The following EIPR1 variants were observed in gnomAD, a reference collection of about 807,000 sequenced individuals.
EIPR1 encodes the protein EARP complex and GARP complex interacting protein 1.
In EIPR1, 25 loss-of-function variants were observed where a neutral mutation model predicts 48.1. The ratio of observed to expected loss-of-function variants is 0.52; its 90% CI spans 0.38 to 0.73. The LOEUF is 0.73. EIPR1 is among the 30% of genes least tolerant of loss of function. The pLI, the probability that EIPR1 is intolerant of heterozygous loss-of-function variation, is 0.00. For missense variants in EIPR1, 415 were observed against 506.2 expected, an observed-to-expected ratio of 0.82 and a Z score of 1.73; for synonymous variants, 204 against 201.9, an observed-to-expected ratio of 1.01 and a Z score of -0.09.
At chr2:3,249,041 G>T (rs930227613) in intron 4 of EIPR1, among the ~76,000 whole-genome samples, 2 of 152,170 alleles carry the variant, frequency 1.3e-5, no homozygotes, top group Admixed American at 6.5e-5. Flanking sequence ...CATTAAATAG[G>T]TACTGAGGAG....
chr2:3,309,864 G>A (rs1669068230), intron 3 of EIPR1, among the ~76,000 whole-genome samples: 2 of 152,186 alleles, frequency 1.3e-5, no homozygotes, highest in African/African-American at 4.8e-5. Context: ...CAGCAGAGCT[G>A]GGGGTTAGGA....
intron 4 of EIPR1, among the ~76,000 whole-genome samples, chr2:3,216,313 C>T (rs769249251): frequency 8.5e-5 from 13 of 152,262 alleles, no homozygotes; most frequent in Admixed American, 6.5e-4. Flanking sequence ...TTATAACTCA[C>T]GTGTGCTTCC....
intron 4 of EIPR1, among the ~76,000 whole-genome samples, 200 bp downstream of exon 4, chr2:3,257,099 G>A (rs535880733): frequency 3.9e-5 from 6 of 152,318 alleles, no homozygotes; most frequent in Admixed American, 6.5e-5. Context: ...GGATGCAGGC[G>A]CGCTGGCTAC....
chr2:3,329,674 C>A (rs1488894323), intron 3 of EIPR1, among the ~76,000 whole-genome samples: 1 of 151,622 alleles, frequency 6.6e-6, no homozygotes, highest in African/African-American at 2.4e-5. Context: ...TCAGAGTTCA[C>A]CTATCATGCT....
At chr2:3,269,677 G>GCACT (rs1215140462) in intron 3 of EIPR1, among the ~76,000 whole-genome samples, 40 of 94,334 alleles carry the variant, frequency 4.2e-4, no homozygotes, top group Admixed American at 1.2e-3. Context: ...CTCAATCATC[G>GCACT]CAATCATCGC....
rs142977894 is a variant in EIPR1 at position 3,354,435 on chromosome 2, TTTTG to T, written c.126+111_126+114del. On this transcript the variant is annotated intron_variant, in intron 2 of 8. Transcript: ENST00000382125. The stretch of plus-strand genomic sequence containing the variant: ...GACTTAAATCCAAATGAAAGTTTTA[TTTTG>T]TTTATGTGGCATTAATTTCTCAAAT... 2,992 of 876,334 alleles carry T rather than the reference TTTTG, an allele frequency of 3.4e-3. 120 individuals carry two copies. The East Asian group carries it at 0.065, about 19-fold the overall frequency. The allele number at this position is 876,334 out of a possible 1,614,324, so 54.3% of individuals were successfully genotyped here. A position where few individuals can be genotyped will look rare whatever the true frequency, so the allele number is the denominator to read the frequency against.
intron 2 of EIPR1, among the ~76,000 whole-genome samples, chr2:3,340,125 C>T (rs1670190636): frequency 6.6e-6 from 1 of 152,212 alleles, no homozygotes; most frequent in Non-Finnish European, 1.5e-5. Flanking sequence ...CCAATAAAAC[C>T]TCTGTTCTTT....
chr2:3,223,578 A>C (rs1352834992), intron 4 of EIPR1, among the ~76,000 whole-genome samples: 1 of 152,244 alleles, frequency 6.6e-6, no homozygotes, highest in Non-Finnish European at 1.5e-5. Context: ...CAAGTCAGTG[A>C]AGACTGGTTC....
At chr2:3,341,110 AAAAAAAAAAACAAAAC>A (rs1403557746) in intron 2 of EIPR1, among the ~76,000 whole-genome samples, 1 of 149,404 alleles carries the variant, frequency 6.7e-6, no homozygotes, top group Non-Finnish European at 1.5e-5. Flanking sequence ...AAAAAAAAAA[AAAAAAAAAAACAAAAC>A]AAAACTCCAC....
At chr2:3,313,285 G>T (rs913974193) in intron 3 of EIPR1, among the ~76,000 whole-genome samples, 1 of 152,230 alleles carries the variant, frequency 6.6e-6, no homozygotes, top group Non-Finnish European at 1.5e-5. Flanking sequence ...CCTGGGAGAG[G>T]ACATGGATTC....
At chr2:3,196,221 A>G (rs1245699954) in intron 6 of EIPR1, among the ~76,000 whole-genome samples, 1 of 152,236 alleles carries the variant, frequency 6.6e-6, no homozygotes, top group African/African-American at 2.4e-5. Context: ...TGGAATCAAC[A>G]CGAGTTATTG....
chr2:3,357,049 T>C (rs1572482263), intron 1 of EIPR1, among the ~76,000 whole-genome samples: 1 of 140,654 alleles, frequency 7.1e-6, no homozygotes, highest in South Asian at 2.4e-4. Context: ...GTTGCTCTGA[T>C]TGGTTGCTTT....
intron 3 of EIPR1, among the ~76,000 whole-genome samples, chr2:3,284,698 T>A (rs1668123493): frequency 6.6e-6 from 1 of 152,234 alleles, no homozygotes; most frequent in African/African-American, 2.4e-5. Flanking sequence ...ATACAGTAAC[T>A]CAAATGGAGC....
intron 3 of EIPR1, among the ~76,000 whole-genome samples, chr2:3,285,827 G>A (rs1201682589): frequency 1.5e-5 from 1 of 67,008 alleles, no homozygotes; most frequent in African/African-American, 7.1e-5. Flanking sequence ...CGGGACCCTC[G>A]CACGGAGCAG....
At chr2:3,287,280 T>G (rs1558274603) in intron 3 of EIPR1, among the ~76,000 whole-genome samples, 1 of 135,350 alleles carries the variant, frequency 7.4e-6, no homozygotes, top group East Asian at 2.1e-4. Context: ...TTCACCACAC[T>G]CCAGAAAGCT....
At chr2:3,327,273 TC>T (rs1356217860) in intron 3 of EIPR1, among the ~76,000 whole-genome samples, 1 of 152,058 alleles carries the variant, frequency 6.6e-6, no homozygotes, top group African/African-American at 2.4e-5. Flanking sequence ...AACCGCCACC[TC>T]CCGGGGTCAA....
intron 6 of EIPR1, 134 bp downstream of exon 6, chr2:3,196,737 ATTTATGATTT>A: frequency 7.8e-7 from 1 of 1,280,746 alleles, no homozygotes; most frequent in East Asian, 2.6e-5. Flanking sequence ...CAAGATGAAG[ATTTATGATTT>A]CCTACAAAAA....
chr2:3,195,641 C>T (rs1664778321), intron 6 of EIPR1, among the ~76,000 whole-genome samples: 1 of 152,168 alleles, frequency 6.6e-6, no homozygotes, highest in African/African-American at 2.4e-5. Flanking sequence ...ACTAGATGGA[C>T]AGTCGCACGT....
chr2:3,235,438 A>ACG (rs796950203), intron 4 of EIPR1, among the ~76,000 whole-genome samples: 136 of 152,050 alleles, frequency 8.9e-4, no homozygotes, highest in African/African-American at 1.1e-3. Flanking sequence ...ACACACACAC[A>ACG]CGCGTGCGCG....
Sources: gnomAD v4.1 joint callset for allele counts (sites outside exome capture counted in the v4.1 genomes callset) on GRCh38, gnomAD v4.1.1 for gene constraint, MANE v1.5 for transcripts, NCBI Gene and HGNC (gene_info 2026-07-23, HGNC 2026-07-21) for gene names.